PHF12: variants seen among roughly 807,000 people sequenced by gnomAD.
The protein encoded by PHF12 is PHD factor 1.
PHF12 carries 6 observed loss-of-function variants against 99.8 expected under a neutral mutation model. The observed-to-expected ratio is 0.06, with a 90% confidence interval of 0.03 to 0.12. The LOEUF (loss-of-function observed/expected upper bound fraction) is 0.12, where lower values mean the gene tolerates loss of function less well. PHF12 is among the 10% of genes least tolerant of loss of function. The pLI is 1.00. For missense variants in PHF12, 954 were observed against 1,300.1 expected, an observed-to-expected ratio of 0.73 and a Z score of 4.09; for synonymous variants, 480 against 514.9, an observed-to-expected ratio of 0.93 and a Z score of 0.92.
chr17:28,912,839 G>A lies in PHF12; in HGVS notation c.1732C>T (p.Arg578Trp), dbSNP rs1409850251. The change falls in exon 9 of 15, where the codon CGG (arginine) becomes TGG (tryptophan). Residue 578 changes from arginine (R) to tryptophan (W), a missense_variant. By Grantham distance (101) the Arg-to-Trp change is moderately radical. This residue lies in a region of PHF12 where 392 missense variants were observed against 423.1 expected (regional missense o/e 0.93). Transcript: ENST00000332830. ...ANTPLPGLSH[R>W]QGWPRPLTPP... ...GTGAGGGGCCGGGGCCAGCCTTGCC[G>A]GTGTGAGAGGCCTGGTAGTGGGGTG... 3.7e-6 allele frequency: 6 copies of A among 1,608,092 alleles called. No homozygotes were observed. The highest frequency in any genetic ancestry group is 2.7e-5 in the African/African-American group (2 of 74,726).
intron 12 of PHF12, 107 bp downstream of exon 12, chr17:28,908,676 A>G (rs1012615355): frequency 1.4e-5 from 15 of 1,081,874 alleles, no homozygotes; most frequent in East Asian, 5.1e-5. Context: ...AAAGCAGTCA[A>G]CTCTGGAAAG....
chr17:28,920,987 C>T (rs1417800385), intron 5 of PHF12, among the ~76,000 whole-genome samples: 1 of 151,856 alleles, frequency 6.6e-6, no homozygotes, highest in African/African-American at 2.4e-5. Context: ...CATTCTCCTG[C>T]CTCAGCCTTC....
rs973418192 is a variant in PHF12 at position 28,949,034 on chromosome 17, C to T, written c.248+1031G>A. ...TGGGCTGAGCCGCTGAGGAGGATCA[C>T]GCAGCGGGCGATCAACTCAGGTCCC... On this transcript the variant is annotated intron_variant, in intron 2 of 14. Transcript: ENST00000332830. This position sits in a 1 kb window ranked among gnomAD's most constrained non-coding sequence, Gnocchi z 4.6. 2.6e-5 allele frequency among the ~76,000 whole-genome samples: 4 copies of T among 152,082 alleles called. No homozygotes were observed. Among genetic ancestry groups the T allele is most frequent in the African/African-American group, 9.7e-5 (4 of 41,408 alleles).
At chr17:28,938,420 G>C (rs2040548448) in intron 2 of PHF12, among the ~76,000 whole-genome samples, 1 of 152,064 alleles carries the variant, frequency 6.6e-6, no homozygotes, top group South Asian at 2.1e-4. Flanking sequence ...AGTAGAGACG[G>C]GGTTTCACCA....
At chr17:28,945,686 C>T (rs982722427) in intron 2 of PHF12, among the ~76,000 whole-genome samples, 1 of 152,162 alleles carries the variant, frequency 6.6e-6, no homozygotes, top group African/African-American at 2.4e-5. Context: ...CTACCAATCT[C>T]AAACAGAAAG....
At chr17:28,926,829 T>C (rs1161591017) in intron 3 of PHF12, 162 bp downstream of exon 3, 1 of 1,537,890 alleles carries the variant, frequency 6.5e-7, no homozygotes, top group East Asian at 2.4e-5. Flanking sequence ...TAGGCCCTAC[T>C]GGATTCCAAA....
rs1242821881 is a variant in PHF12, at chr17:28,949,929, T to A, written c.248+136A>T. 3.9e-6 allele frequency: 4 copies of A among 1,025,850 alleles called. No homozygotes were observed. Among genetic ancestry groups the A allele is most frequent in the Non-Finnish European group, 5.5e-6 (4 of 721,240 alleles). The allele number at this position is 1,025,850 out of a possible 1,614,324, so 63.5% of individuals were successfully genotyped here. A position where few individuals can be genotyped will look rare whatever the true frequency, so the allele number is the denominator to read the frequency against. On this transcript the variant is annotated intron_variant, in intron 2 of 14. Coordinates refer to ENST00000332830, the MANE Select transcript of PHF12 (RefSeq NM_001033561.2). The surrounding 1 kb of genome is among the most constrained non-coding windows in gnomAD (Gnocchi z 4.6). The stretch of plus-strand genomic sequence containing the variant: ...CGGCGGACACCTGGGGGCGGGGAGG[T>A]GCTCGCCCCGGCAGCTGCAGAAAGT...
At chr17:28,935,515 G>A (rs1306233936) in intron 2 of PHF12, among the ~76,000 whole-genome samples, 4 of 151,972 alleles carry the variant, frequency 2.6e-5, no homozygotes, top group African/African-American at 4.8e-5. Flanking sequence ...CAAGTGATCC[G>A]CCCTCCTCAG....
At chr17:28,915,302 G>GA (rs149151849) in intron 7 of PHF12, among the ~76,000 whole-genome samples, 2,478 of 152,266 alleles carry the variant, frequency 0.016, 60 homozygotes, top group African/African-American at 0.056. Context: ...GTAGACAAGG[G>GA]AGAACTGAAA....
rs1336000685 is a variant in PHF12 at position 28,951,336 on chromosome 17, G to T, written c.-376C>A. The stretch of plus-strand genomic sequence containing the variant: ...CGGGGCTGGGGGTATCGGAGGGGGG[G>T]TGAGAGGTTACGTGAGGTTGTGGTA... On this transcript the variant is annotated 5_prime_UTR_variant, in exon 1 of 15. Transcript: ENST00000332830. 1 of 1,048,826 alleles carries T rather than the reference G, an allele frequency of 9.5e-7. No homozygotes were observed. Among genetic ancestry groups the T allele is most frequent in the Non-Finnish European group, 1.2e-6 (1 of 867,440 alleles). 65.0% of individuals were successfully genotyped at this position (1,048,826 alleles called of 1,614,324 possible).
intron 2 of PHF12, among the ~76,000 whole-genome samples, chr17:28,936,070 A>G (rs1401501606): frequency 6.6e-6 from 1 of 152,236 alleles, no homozygotes; most frequent in Admixed American, 6.5e-5. Context: ...CACTGCAAGT[A>G]GAAGATGTTG....
chr17:28,945,786 C>T lies in PHF12; in HGVS notation c.248+4279G>A, dbSNP rs185096853. On this transcript the variant is annotated intron_variant, in intron 2 of 14. Coordinates refer to ENST00000332830, the MANE Select transcript of PHF12 (RefSeq NM_001033561.2). ...TCCAGAGACCTTTCAGAAAGCTCAA[C>T]TCATGGCATGATAATTATGATGAAG... Among the ~76,000 whole-genome samples the T allele has an allele frequency of 1.1e-4, 17 of 152,314 alleles. No homozygotes were observed. The East Asian group carries it at 3.1e-3, about 28-fold the overall frequency.
chr17:28,911,408 G>T, intron 9 of PHF12, 171 bp from the exon 10 acceptor site: 1 of 899,310 alleles, frequency 1.1e-6, no homozygotes. Flanking sequence ...GTGAGGAAGG[G>T]CAGATGGAAC....
chr17:28,906,655 G>A lies in PHF12; in HGVS notation c.2681-138C>T. 1 of 1,230,900 alleles carries A rather than the reference G, an allele frequency of 8.1e-7. No homozygotes were observed. The highest frequency in any genetic ancestry group is 1.1e-6 in the Non-Finnish European group (1 of 893,866). 76.2% of individuals were successfully genotyped at this position (1,230,900 alleles called of 1,614,324 possible). A position where few individuals can be genotyped will look rare whatever the true frequency, so the allele number is the denominator to read the frequency against. Reference sequence around the variant, plus strand: ...GGAGGAAGGATGCTCAGAAAGGGTTGGTGGAGTCTGAAGTCCCCACAGGTG... The same window carrying A: ...GGAGGAAGGATGCTCAGAAAGGGTTAGTGGAGTCTGAAGTCCCCACAGGTG... On this transcript the variant is annotated intron_variant, in intron 14 of 14. Coordinates refer to ENST00000332830, the MANE Select transcript of PHF12 (RefSeq NM_001033561.2). This position sits in a 1 kb window ranked among gnomAD's most constrained non-coding sequence, Gnocchi z 4.2.
At chr17:28,917,197 C>T in intron 7 of PHF12, 88 bp downstream of exon 7, 1 of 1,575,012 alleles carries the variant, frequency 6.3e-7, no homozygotes, top group Non-Finnish European at 8.7e-7. Flanking sequence ...CTTCAGTTTC[C>T]CTGCCTGTAA....
At chr17:28,948,674 C>T (rs1022029835) in intron 2 of PHF12, among the ~76,000 whole-genome samples, 4 of 152,182 alleles carry the variant, frequency 2.6e-5, no homozygotes, top group African/African-American at 9.7e-5. Context: ...TACAAATATA[C>T]AGTAGACACT....
chr17:28,924,861 G>A lies in PHF12; in HGVS notation c.322-559C>T, dbSNP rs567808837. ...AGCTACTCAGGAGGCTGAGGCAGGA[G>A]AATCGCTTGAACCTGGGAGGCAAAG... is the stretch of plus-strand genomic sequence containing the variant. On this transcript the variant is annotated intron_variant, in intron 3 of 14. Transcript: ENST00000332830. 4.5e-5 allele frequency: 7 copies of A among 154,630 alleles called. No individual in the cohort carries two copies. In the South Asian group the frequency reaches 1.2e-3, roughly 27 times the overall value. 9.6% of individuals were successfully genotyped at this position (154,630 alleles called of 1,614,324 possible).
Position 28,906,944 on chromosome 17 carries a change from C to T in PHF12, c.2592G>A (p.Val864=). The part of the protein sequence containing the change: ...LLNYSEHGTT[V]DNVLYSCDFS... ...AGTCACATGAATACAGCACATTGTCCACCGTTGTCCCATGCTCACTGTAGT... is the reference window on the plus strand; with the variant it reads ...AGTCACATGAATACAGCACATTGTCTACCGTTGTCCCATGCTCACTGTAGT... The change falls in exon 14 of 15, where the codon GTG becomes GTA. Residue 864 remains valine, a synonymous_variant. Coordinates refer to ENST00000332830, the MANE Select transcript of PHF12 (RefSeq NM_001033561.2). This position sits in a 1 kb window ranked among gnomAD's most constrained non-coding sequence, Gnocchi z 4.2. The T allele has an allele frequency of 6.2e-7, 1 of 1,613,374 alleles. No individual in the cohort carries two copies.
At chr17:28,940,781 G>C (rs2040598771) in intron 2 of PHF12, among the ~76,000 whole-genome samples, 1 of 152,204 alleles carries the variant, frequency 6.6e-6, no homozygotes, top group African/African-American at 2.4e-5. Flanking sequence ...CATGCGTCCT[G>C]GGCATGGTGA....
Sources: allele counts gnomAD v4.1 joint callset (sites outside exome capture counted in the v4.1 genomes callset), GRCh38; gene constraint gnomAD v4.1.1; regional missense constraint gnomAD v4.1.1; non-coding constraint Gnocchi (gnomAD v3.1); transcripts MANE v1.5; gene names NCBI Gene and HGNC (gene_info 2026-07-23, HGNC 2026-07-21).